CERKL: variants seen among roughly 807,000 people sequenced by gnomAD.
CERKL encodes ceramide kinase-like protein.
Under a neutral mutation model 63.4 loss-of-function variants are expected in CERKL, and 61 were observed. The ratio of observed to expected loss-of-function variants is 0.96; its 90% CI spans 0.78 to 1.19. The LOEUF (loss-of-function observed/expected upper bound fraction) is 1.19. CERKL is among the 50% of genes most tolerant of loss of function. The probability of loss-of-function intolerance (pLI) is 0.00; values close to 1 mark genes in which losing one functional copy is unlikely to be tolerated. For missense variants in CERKL, 675 were observed against 655.5 expected (o/e 1.03, Z -0.33); for synonymous variants, 250 against 230.5 (o/e 1.08, Z -0.77).
At chr2:181,549,594 T>C (rs1408362506) in intron 6 of CERKL, 40 bp downstream of exon 6, 3 of 1,440,778 alleles carry the variant, frequency 2.1e-6, no homozygotes, top group Non-Finnish European at 2.9e-6. Flanking sequence ...TAAATCAACA[T>C]TTCCTTATAA....
chr2:181,617,637 G>C (rs1047156196), intron 1 of CERKL, among the ~76,000 whole-genome samples: 27 of 152,164 alleles, frequency 1.8e-4, no homozygotes, highest in Non-Finnish European at 3.2e-4. Flanking sequence ...TCAACATTTA[G>C]AAACTGTATA....
chr2:181,618,274 T>G (rs1343737111), intron 1 of CERKL, among the ~76,000 whole-genome samples: 1 of 152,102 alleles, frequency 6.6e-6, no homozygotes, highest in Non-Finnish European at 1.5e-5. Flanking sequence ...ATATTTTTTT[T>G]TTTTTTTTAG....
intron 1 of CERKL, among the ~76,000 whole-genome samples, chr2:181,625,051 G>C (rs935088357): frequency 3.3e-5 from 5 of 152,136 alleles, no homozygotes; most frequent in Non-Finnish European, 7.4e-5. Flanking sequence ...AACAGAAACA[G>C]AGACAATAAG....
At chr2:181,540,504 A>C (rs1449257) in intron 11 of CERKL, among the ~76,000 whole-genome samples, 151,207 of 152,272 alleles carry the variant, frequency 0.99, 75,090 homozygotes, top group Middle Eastern at 1. Flanking sequence ...TTAGGGCGGG[A>C]CCTAATCCAA....
chr2:181,554,753 T>C (rs1688134893), intron 5 of CERKL, among the ~76,000 whole-genome samples: 1 of 152,160 alleles, frequency 6.6e-6, no homozygotes, highest in African/African-American at 2.4e-5. Flanking sequence ...TCCCTCTGGG[T>C]GTCTCTCTCC....
At position 181,558,391 on chromosome 2, in the gene CERKL, G is replaced by A. The variant is rs754097801; in HGVS notation, c.820+175C>T. On this transcript the variant is annotated intron_variant, in intron 5 of 12. Transcript: ENST00000410087. The surrounding 1 kb of genome is among the most constrained non-coding windows in gnomAD (Gnocchi z 4.2). Reference sequence around the variant, plus strand: ...CCTATTCTATAGATTAGAAAAATAAGGCTCAAAGAGATTAAATGACTTGTC... The same window carrying A: ...CCTATTCTATAGATTAGAAAAATAAAGCTCAAAGAGATTAAATGACTTGTC... 4.6e-5 allele frequency among the ~76,000 whole-genome samples: 7 copies of A among 152,060 alleles called. No homozygotes were observed. Among genetic ancestry groups the A allele is most frequent in the Non-Finnish European group, 1.0e-4 (7 of 68,006 alleles).
intron 11 of CERKL, among the ~76,000 whole-genome samples, chr2:181,544,061 GACTC>G (rs571342605): frequency 1.1e-3 from 167 of 150,574 alleles, no homozygotes; most frequent in Non-Finnish European, 1.7e-3. Flanking sequence ...GTACTTCAAA[GACTC>G]ACAATTTCAG....
intron 2 of CERKL, among the ~76,000 whole-genome samples, chr2:181,579,738 A>G (rs1684418261): frequency 6.6e-6 from 1 of 151,872 alleles, no homozygotes; most frequent in African/African-American, 2.4e-5. Flanking sequence ...TATATTTTCA[A>G]TTGTATCTGA....
intron 2 of CERKL, among the ~76,000 whole-genome samples, chr2:181,583,449 T>C (rs1007070000): frequency 6.6e-6 from 1 of 152,212 alleles, no homozygotes; most frequent in East Asian, 1.9e-4. Context: ...TTATGAAGTA[T>C]TCTTGCCCAA....
chr2:181,599,317 C>T (rs148022087), intron 2 of CERKL, among the ~76,000 whole-genome samples: 490 of 152,202 alleles, frequency 3.2e-3, no homozygotes, highest in Non-Finnish European at 5.7e-3. Context: ...GGGTAAATCA[C>T]CTGAGTTCAG....
intron 3 of CERKL, among the ~76,000 whole-genome samples, chr2:181,569,180 T>C (rs1400960865): frequency 6.6e-6 from 1 of 152,192 alleles, no homozygotes. Context: ...CACATCTGAA[T>C]GCTGGGAACA....
intron 1 of CERKL, among the ~76,000 whole-genome samples, chr2:181,630,602 G>A (rs888535507): frequency 6.6e-6 from 1 of 152,124 alleles, no homozygotes; most frequent in East Asian, 1.9e-4. Flanking sequence ...AAAAGGCCAC[G>A]TGAGGATGCT....
chr2:181,607,368 T>C (rs1435359841), intron 1 of CERKL, among the ~76,000 whole-genome samples: 2 of 152,178 alleles, frequency 1.3e-5, no homozygotes, highest in Non-Finnish European at 2.9e-5. Context: ...AAAATTCTTG[T>C]CTCCATTTTA....
In CERKL at chr2:181,555,347, A is replaced by G. The variant is rs186642346; in HGVS notation, c.820+3219T>C. Among the ~76,000 whole-genome samples the G allele has an allele frequency of 1.9e-3, 292 of 152,334 alleles. 1 individual carries two copies. The highest frequency in any genetic ancestry group is 0.01 in the Middle Eastern group (3 of 294). On this transcript the variant is annotated intron_variant, in intron 5 of 12. Transcript: ENST00000410087. The stretch of plus-strand genomic sequence containing the variant: ...ACTACTAAAGTAAAGCAAAAAGGTC[A>G]AGAAATAAAATGCCATGAAAAGATG...
intron 4 of CERKL, among the ~76,000 whole-genome samples, chr2:181,564,122 T>C (rs1329111853): frequency 2.0e-5 from 3 of 152,096 alleles, no homozygotes; most frequent in Non-Finnish European, 4.4e-5. Context: ...ACAATAGGGT[T>C]CGCACTCCTG....
chr2:181,572,378 C>A (rs1033039579), intron 3 of CERKL, among the ~76,000 whole-genome samples: 10 of 152,140 alleles, frequency 6.6e-5, no homozygotes, highest in Non-Finnish European at 1.5e-5. Context: ...ATGTTGAACA[C>A]AGAGCAAGCA....
intron 1 of CERKL, among the ~76,000 whole-genome samples, chr2:181,648,877 T>C (rs1371206597): frequency 1.3e-5 from 2 of 152,176 alleles, no homozygotes; most frequent in African/African-American, 2.4e-5. Context: ...TACAAGACTT[T>C]TTATGTTAGC....
intron 1 of CERKL, among the ~76,000 whole-genome samples, 157 bp downstream of exon 1, chr2:181,656,612 T>C (rs1268702088): frequency 2.0e-5 from 3 of 150,806 alleles, no homozygotes; most frequent in African/African-American, 4.8e-5. Flanking sequence ...AGGCGGCGAC[T>C]TGGGGACTCG....
chr2:181,652,429 T>C (rs189659468), intron 1 of CERKL, among the ~76,000 whole-genome samples: 9 of 152,132 alleles, frequency 5.9e-5, no homozygotes, highest in Admixed American at 5.2e-4. Flanking sequence ...ACTAGGAAAA[T>C]CAGATATTCA....
Sources: gnomAD v4.1 joint callset for allele counts (sites outside exome capture counted in the v4.1 genomes callset) on GRCh38, gnomAD v4.1.1 for gene constraint, Gnocchi (gnomAD v3.1) non-coding constraint, MANE v1.5 for transcripts, NCBI Gene and HGNC (gene_info 2026-07-23, HGNC 2026-07-21) for gene names.